The following LILRB1 variants were observed in gnomAD, a reference collection of about 807,000 sequenced individuals.
The protein encoded by LILRB1 is leukocyte immunoglobulin-like receptor subfamily B member 1.
Under a neutral mutation model 74.6 loss-of-function variants are expected in LILRB1, and 59 were observed. The observed-to-expected ratio is 0.79, with a 90% CI of 0.64 to 0.98. The LOEUF is 0.98. LILRB1 is among the 50% of genes least tolerant of loss of function. The probability of loss-of-function intolerance (pLI) is 0.00; values close to 1 mark genes in which losing one functional copy is unlikely to be tolerated. For missense variants in LILRB1, 804 were observed against 822.6 expected (o/e 0.98, Z 0.28); for synonymous variants, 328 against 333.9 (o/e 0.98, Z 0.19).
chr19:54,616,928 C>A (rs888649901), upstream of LILRB1, among the ~76,000 whole-genome samples: 1 of 152,130 alleles, frequency 6.6e-6, no homozygotes, highest in African/African-American at 2.4e-5. Context: ...GAACACCCAA[C>A]AAAATGAGTT....
chr19:54,636,698 C>T, intron 14 of LILRB1, 34 bp from the exon 15 acceptor site: 1 of 1,607,012 alleles, frequency 6.2e-7, no homozygotes, highest in East Asian at 2.2e-5. Context: ...CCACCCCCAC[C>T]ACGTTCCTTC....
At chr19:54,622,820 C>T (rs2063489321) in intron 1 of LILRB1, among the ~76,000 whole-genome samples, 1 of 152,082 alleles carries the variant, frequency 6.6e-6, no homozygotes, top group South Asian at 2.1e-4. Flanking sequence ...TCTTATAAGG[C>T]TCTTATTTTG....
chr19:54,624,019 G>A (rs189903691), intron 1 of LILRB1, among the ~76,000 whole-genome samples: 124 of 152,302 alleles, frequency 8.1e-4, no homozygotes, highest in Non-Finnish European at 1.6e-3. Flanking sequence ...GCACAAGCAG[G>A]TGGATATGGA....
chr19:54,627,340 C>G (rs2063621477), upstream of LILRB1, among the ~76,000 whole-genome samples: 1 of 152,200 alleles, frequency 6.6e-6, no homozygotes, highest in Admixed American at 6.5e-5. Context: ...CCAATCCCTT[C>G]ACTGCAGACA....
chr19:54,617,376 A>G (rs1323326599), intron 1 of LILRB1: 1 of 152,152 alleles, frequency 6.6e-6, no homozygotes, highest in Admixed American at 6.5e-5. Flanking sequence ...GGCGGCTTGC[A>G]CGCTATAGAG....
At chr19:54,627,081 G>A (rs1389049661), upstream of LILRB1, among the ~76,000 whole-genome samples, 4 of 152,122 alleles carry the variant, frequency 2.6e-5, no homozygotes, top group East Asian at 1.9e-4. Context: ...AGGGTCCCAC[G>A]GTTTCCTCCA....
rs372689478 is a variant in LILRB1 at position 54,636,526 on chromosome 19, G to A, written c.1686G>A (p.Val562=). The change falls in exon 14 of 15, where the codon GTG becomes GTA. Residue 562 remains valine (V), a synonymous_variant. Transcript: ENST00000324602. ...CACACGATGAAGACCCCCAGGCAGTGACGTATGCCGAGGTGAAACACTCCA... is the reference window on the plus strand; with the variant it reads ...CACACGATGAAGACCCCCAGGCAGTAACGTATGCCGAGGTGAAACACTCCA... The part of the protein sequence containing the change: ...QSPHDEDPQA[V]TYAEVKHSRP... 5 of 1,611,744 alleles carry A rather than the reference G, an allele frequency of 3.1e-6. No individual in the cohort carries two copies. The highest frequency in any genetic ancestry group is 2.7e-5 in the African/African-American group (2 of 74,786).
At chr19:54,629,078 A>G (rs2063679976), upstream of LILRB1, among the ~76,000 whole-genome samples, 3 of 152,176 alleles carry the variant, frequency 2.0e-5, no homozygotes, top group South Asian at 6.2e-4. Flanking sequence ...CAAAATCCAG[A>G]CAACCCTGGA....
chr19:54,624,031 C>T (rs1487621336), intron 1 of LILRB1, among the ~76,000 whole-genome samples: 2 of 152,268 alleles, frequency 1.3e-5, no homozygotes, highest in South Asian at 4.1e-4. Flanking sequence ...GGATATGGAC[C>T]TGGTGTGTTT....
At chr19:54,621,192 A>G (rs1028772612) in intron 1 of LILRB1, among the ~76,000 whole-genome samples, 1 of 152,146 alleles carries the variant, frequency 6.6e-6, no homozygotes, top group Admixed American at 6.6e-5. Context: ...TTTTTAATAT[A>G]ATGACTTTTC....
rs986627159 is a variant in LILRB1 at position 54,637,151 on chromosome 19, C to G, written c.*273C>G. ...CACAATGTAAATATTACACATCAAG[C>G]GATGAAACTGGAAAACTACAAGCCA... On this transcript the variant is annotated 3_prime_UTR_variant, in exon 15 of 15. Coordinates refer to ENST00000324602, the MANE Select transcript of LILRB1 (RefSeq NM_001081637.3). The G allele has an allele frequency of 2.4e-6, 1 of 418,932 alleles. No homozygotes were observed. The highest frequency in any genetic ancestry group is 2.0e-5 in the African/African-American group (1 of 50,240). 26.0% of individuals were successfully genotyped at this position (418,932 alleles called of 1,614,324 possible).
At position 54,636,780 on chromosome 19, in the gene LILRB1, A is replaced by G; in HGVS notation, c.1861A>G (p.Ser621Gly). The change falls in exon 15 of 15, where the codon AGC becomes GGC. Residue 621 changes from serine to glycine, a missense_variant. By Grantham distance (56) the Ser-to-Gly change is moderately conservative (BLOSUM62 0). Transcript: ENST00000324602. ...PQDVTYAQLH[S>G]LTLRREATEP... ...GGATGTGACCTACGCCCAGCTGCACAGCTTGACCCTCAGACGGGAGGCAAC... is the reference window on the plus strand; with the variant it reads ...GGATGTGACCTACGCCCAGCTGCACGGCTTGACCCTCAGACGGGAGGCAAC... 1.2e-6 allele frequency: 2 copies of G among 1,609,830 alleles called. No homozygotes were observed. The highest frequency in any genetic ancestry group is 2.2e-5 in the South Asian group (2 of 90,922).
rs139400692 is a variant in LILRB1 at position 54,635,277 on chromosome 19, T to G, written c.1581T>G (p.Asp527Glu). Residue 527 changes from aspartate (D) to glutamate (E), a missense_variant, in exon 12 of 15, where the codon GAT becomes GAG. By Grantham distance (45) the Asp-to-Glu change is conservative (BLOSUM62 2). Transcript: ENST00000324602. ...CCCCCAGGTCCAGCCCAGCTGCCGA[T>G]GCCCAGGAAGAAAACCTCTGTGAGT... ...GLQWRSSPAA[D>E]AQEENLYAAV... 1 of 1,590,726 alleles carries G rather than the reference T, an allele frequency of 6.3e-7. No individual in the cohort carries two copies. Among genetic ancestry groups the G allele is most frequent in the Non-Finnish European group, 8.6e-7 (1 of 1,159,886 alleles).
At chr19:54,628,800 A>T (rs1275942623), upstream of LILRB1, among the ~76,000 whole-genome samples, 1 of 152,178 alleles carries the variant, frequency 6.6e-6, no homozygotes, top group Non-Finnish European at 1.5e-5. Context: ...GAGGGTCTTA[A>T]GAGCCACCAT....
chr19:54,625,287 A>T (rs1377969631), intron 1 of LILRB1, among the ~76,000 whole-genome samples: 1 of 149,944 alleles, frequency 6.7e-6, no homozygotes, highest in Non-Finnish European at 1.5e-5. Context: ...AGAGGTGGGC[A>T]GCTGTGTGGT....
intron 1 of LILRB1, among the ~76,000 whole-genome samples, chr19:54,623,176 A>G (rs78629820): frequency 0.033 from 5,037 of 152,252 alleles, 106 homozygotes; most frequent in South Asian, 0.053. Flanking sequence ...TATTGGTTTC[A>G]TAGAATGAGC....
chr19:54,618,482 C>A (rs1568560742), intron 1 of LILRB1, among the ~76,000 whole-genome samples: 1 of 152,264 alleles, frequency 6.6e-6, no homozygotes, highest in Non-Finnish European at 1.5e-5. Context: ...CTTATCCCTG[C>A]AGAATAGTAT....
rs371737331 is a variant in LILRB1, at chr19:54,634,747, C to T, written c.1470C>T (p.Gly490=). Residue 490 remains glycine (G), a synonymous_variant, in exon 10 of 15, where the codon GGC becomes GGT. Coordinates refer to ENST00000324602, the MANE Select transcript of LILRB1 (RefSeq NM_001081637.3). ...LFLILRHRRQ[G]KHWTSTQRKA... ...TCATCCTCCGACATCGACGTCAGGGCAAACACTGGACATCGAGTGAGTAGG... is the reference window on the plus strand; with the variant it reads ...TCATCCTCCGACATCGACGTCAGGGTAAACACTGGACATCGAGTGAGTAGG... The T allele has an allele frequency of 8.7e-6, 14 of 1,613,774 alleles. No homozygotes were observed. Among genetic ancestry groups the T allele is most frequent in the African/African-American group, 1.3e-5 (1 of 74,890 alleles).
At chr19:54,626,638 T>C (rs1169270951), upstream of LILRB1, among the ~76,000 whole-genome samples, 5 of 152,266 alleles carry the variant, frequency 3.3e-5, no homozygotes, top group Non-Finnish European at 5.9e-5. Context: ...AATGTGTTGA[T>C]ATGATTTACT....
Sources: gnomAD v4.1 joint callset for allele counts (sites outside exome capture counted in the v4.1 genomes callset) on GRCh38, gnomAD v4.1.1 for gene constraint, MANE v1.5 for transcripts, NCBI Gene and HGNC (gene_info 2026-07-23, HGNC 2026-07-21) for gene names.